Variants in GLRA3 observed in about 807,000 individuals in gnomAD.
GLRA3 encodes glycine receptor subunit alpha-3.
GLRA3 carries 44 observed loss-of-function variants against 60.4 expected under a neutral mutation model. The ratio of observed to expected loss-of-function variants is 0.73; its 90% CI spans 0.57 to 0.94. GLRA3 has a LOEUF of 0.94. GLRA3 is among the 40% of genes least tolerant of loss of function. GLRA3 has a pLI of 0.00. For missense variants in GLRA3, 508 were observed against 564.6 expected (o/e 0.90, Z 1.02); for synonymous variants, 223 against 192.9 (o/e 1.16, Z -1.29).
intron 9 of GLRA3, among the ~76,000 whole-genome samples, chr4:174,644,465 C>G (rs1039381737): frequency 1.4e-4 from 21 of 151,182 alleles, no homozygotes; most frequent in African/African-American, 5.1e-4. Flanking sequence ...GGGAACATAC[C>G]AGGATCATTG....
chr4:174,645,141 T>TAG (rs1322688530), intron 9 of GLRA3, among the ~76,000 whole-genome samples: 1 of 152,104 alleles, frequency 6.6e-6, no homozygotes, highest in Non-Finnish European at 1.5e-5. Flanking sequence ...GGGCTGGGCA[T>TAG]AGTGGCTCAT....
At chr4:174,807,564 A>G (rs1740099667) in intron 1 of GLRA3, among the ~76,000 whole-genome samples, 1 of 152,128 alleles carries the variant, frequency 6.6e-6, no homozygotes, top group Non-Finnish European at 1.5e-5. Context: ...AAAGGAGGTT[A>G]AGCTTAAATA....
At chr4:174,821,060 A>T (rs1473777851) in intron 1 of GLRA3, among the ~76,000 whole-genome samples, 1 of 152,216 alleles carries the variant, frequency 6.6e-6, no homozygotes, top group East Asian at 1.9e-4. Context: ...AACTTTTTAC[A>T]TGTATTTGAC....
intron 3 of GLRA3, among the ~76,000 whole-genome samples, chr4:174,745,261 C>A (rs780038473): frequency 8.5e-5 from 13 of 152,130 alleles, no homozygotes; most frequent in Non-Finnish European, 1.6e-4. Flanking sequence ...CCAAGTCTAG[C>A]AGGATATTTA....
chr4:174,810,121 G>A (rs1019328542), intron 1 of GLRA3, among the ~76,000 whole-genome samples: 12 of 152,120 alleles, frequency 7.9e-5, no homozygotes, highest in Non-Finnish European at 1.8e-4. Flanking sequence ...GTCTCATGGA[G>A]TTTACATTCT....
chr4:174,721,031 G>C (rs9999925), intron 4 of GLRA3, among the ~76,000 whole-genome samples: 1 of 150,998 alleles, frequency 6.6e-6, no homozygotes, highest in Non-Finnish European at 1.5e-5. Flanking sequence ...GTGTGTGTGT[G>C]TGTGTGTGTG....
At chr4:174,816,263 G>A (rs72708278) in intron 1 of GLRA3, among the ~76,000 whole-genome samples, 18,701 of 152,048 alleles carry the variant, frequency 0.12, 1,235 homozygotes, top group South Asian at 0.17. Context: ...GCTGGGGACT[G>A]GCACAGCCGG....
intron 1 of GLRA3, among the ~76,000 whole-genome samples, chr4:174,810,422 G>A (rs1053878682): frequency 1.3e-5 from 2 of 151,216 alleles, no homozygotes; most frequent in Non-Finnish European, 2.9e-5. Flanking sequence ...CCCCTAATTG[G>A]AACATTTTTC....
At chr4:174,776,335 A>C (rs1447666142) in intron 2 of GLRA3, among the ~76,000 whole-genome samples, 1 of 152,098 alleles carries the variant, frequency 6.6e-6, no homozygotes, top group Non-Finnish European at 1.5e-5. Context: ...ATAACAGAAA[A>C]ATGGCCCTCC....
chr4:174,728,764 G>A, intron 3 of GLRA3, 66 bp from the exon 4 acceptor site: 1 of 989,414 alleles, frequency 1.0e-6, no homozygotes, highest in South Asian at 1.6e-5. Context: ...AATCCATAGT[G>A]TCAGTGTGGT....
rs1395730740 is a variant in GLRA3 at position 174,751,103 on chromosome 4, C to CAA, written c.267+15859_267+15860insTT. Among the ~76,000 whole-genome samples the CAA allele has an allele frequency of 2.2e-4, 33 of 151,448 alleles. No homozygotes were observed. The South Asian group carries it at 3.8e-3, about 17-fold the overall frequency. On this transcript the variant is annotated intron_variant, in intron 3 of 9. Coordinates refer to ENST00000274093, the MANE Select transcript of GLRA3 (RefSeq NM_006529.4). The stretch of plus-strand genomic sequence containing the variant: ...TCTATCTATCTATCTATCTATCTAT[C>CAA]TATCAATCATCTATCTACCTACCTA...
chr4:174,645,894 T>C (rs1732797117), intron 9 of GLRA3, among the ~76,000 whole-genome samples: 1 of 152,240 alleles, frequency 6.6e-6, no homozygotes, highest in Non-Finnish European at 1.5e-5. Flanking sequence ...TGTTCTTATG[T>C]AAATGCTAAA....
At chr4:174,785,026 C>T (rs1283363633) in intron 2 of GLRA3, among the ~76,000 whole-genome samples, 1 of 152,140 alleles carries the variant, frequency 6.6e-6, no homozygotes, top group Non-Finnish European at 1.5e-5. Context: ...AAATAATGTT[C>T]GATGGAAGAG....
At chr4:174,700,527 T>A (rs917650545) in intron 5 of GLRA3, among the ~76,000 whole-genome samples, 1 of 152,162 alleles carries the variant, frequency 6.6e-6, no homozygotes, top group African/African-American at 2.4e-5. Context: ...GACCTTTAAG[T>A]AGTCGCTGAA....
chr4:174,709,696 C>T (rs1735640868), intron 5 of GLRA3, among the ~76,000 whole-genome samples: 1 of 152,008 alleles, frequency 6.6e-6, no homozygotes, highest in Non-Finnish European at 1.5e-5. Context: ...GGAATAAGCA[C>T]ATTCCCAGAG....
intron 7 of GLRA3, among the ~76,000 whole-genome samples, chr4:174,663,571 A>C (rs181139843): frequency 6.6e-6 from 1 of 152,332 alleles, no homozygotes; most frequent in East Asian, 1.9e-4. Context: ...AATTGTTAAC[A>C]GCTTAAAAGC....
chr4:174,765,973 G>T (rs1202945092), intron 3 of GLRA3, among the ~76,000 whole-genome samples: 1 of 150,754 alleles, frequency 6.6e-6, no homozygotes, highest in East Asian at 2.0e-4. Flanking sequence ...CCTGTATAAA[G>T]CCTCTTCCTG....
chr4:174,760,931 TA>T (rs1737921169), intron 3 of GLRA3, among the ~76,000 whole-genome samples: 1 of 152,134 alleles, frequency 6.6e-6, no homozygotes, highest in Non-Finnish European at 1.5e-5. Context: ...AAAAAAAACA[TA>T]AATTTATACC....
chr4:174,647,130 G>A (rs1732849675), intron 9 of GLRA3, among the ~76,000 whole-genome samples: 1 of 152,196 alleles, frequency 6.6e-6, no homozygotes. Flanking sequence ...TCGGGGGCTG[G>A]GGGCGGAGGC....
Sources: gnomAD v4.1 joint callset for allele counts (sites outside exome capture counted in the v4.1 genomes callset) on GRCh38, gnomAD v4.1.1 for gene constraint, MANE v1.5 for transcripts, NCBI Gene and HGNC (gene_info 2026-07-23, HGNC 2026-07-21) for gene names.